The following SCAMP1 variants were observed in gnomAD, a reference collection of about 807,000 sequenced individuals.
SCAMP1 encodes the protein secretory carrier membrane protein 1.
In SCAMP1, 15 loss-of-function variants were observed where a neutral mutation model predicts 41.8. That is an observed-to-expected ratio of 0.36 (90% CI 0.24 to 0.55). SCAMP1 has a LOEUF of 0.55. SCAMP1 is among the 20% of genes least tolerant of loss of function. The pLI is 0.86. For missense variants in SCAMP1, 341 were observed against 412.6 expected (o/e 0.83, Z 1.50); for synonymous variants, 135 against 136.8 (o/e 0.99, Z 0.09).
rs542504295 is a variant in SCAMP1 at position 78,442,745 on chromosome 5, A to G, written c.633-7188A>G. ...GCTTTCTACATTGAGTATCAATTCA[A>G]ATGTGAGATTTTAGTTGTTATATTC... On this transcript the variant is annotated intron_variant, in intron 6 of 8. Transcript: ENST00000621999. Among the ~76,000 whole-genome samples, 3 of 152,316 alleles carry G rather than the reference A, an allele frequency of 2.0e-5. 1 individual carries two copies. In the East Asian group the frequency reaches 5.8e-4, roughly 29 times the overall value.
intron 6 of SCAMP1, among the ~76,000 whole-genome samples, chr5:78,424,297 G>A (rs16875383): frequency 3.5e-4 from 54 of 152,244 alleles, no homozygotes; most frequent in Middle Eastern, 6.8e-3. Flanking sequence ...TTTGTTCTCC[G>A]TAAGGTAAAC....
At position 78,476,551 on chromosome 5, in the gene SCAMP1, T is replaced by C. The variant is rs1172655564; in HGVS notation, c.*883T>C. The C allele has an allele frequency of 3.3e-5, 5 of 152,580 alleles. No homozygotes were observed. 9.5% of individuals were successfully genotyped at this position (152,580 alleles called of 1,614,324 possible). A position where few individuals can be genotyped will look rare whatever the true frequency, so the allele number is the denominator to read the frequency against. On this transcript the variant is annotated 3_prime_UTR_variant, in exon 9 of 9. Transcript: ENST00000621999. ...ATGAAAACTTTGGTATATTCTGTGG[T>C]TACAACTAAGATTGTGTCTGGCAGC...
intron 4 of SCAMP1, among the ~76,000 whole-genome samples, chr5:78,416,928 C>T (rs1752224795): frequency 6.6e-6 from 1 of 152,170 alleles, no homozygotes; most frequent in African/African-American, 2.4e-5. Context: ...AGGCCAGGAG[C>T]CTTTGATTCT....
At chr5:78,425,053 A>G (rs1752432545) in intron 6 of SCAMP1, among the ~76,000 whole-genome samples, 1 of 152,228 alleles carries the variant, frequency 6.6e-6, no homozygotes, top group South Asian at 2.1e-4. Context: ...TGCATTATAG[A>G]TGGTGAATAA....
At chr5:78,472,636 C>T (rs1398670556) in intron 8 of SCAMP1, among the ~76,000 whole-genome samples, 2 of 152,030 alleles carry the variant, frequency 1.3e-5, no homozygotes, top group Admixed American at 1.3e-4. Flanking sequence ...GCATTATGCA[C>T]TGTATATATA....
chr5:78,381,839 A>G (rs778547324), intron 1 of SCAMP1, among the ~76,000 whole-genome samples: 10 of 152,238 alleles, frequency 6.6e-5, no homozygotes, highest in Admixed American at 6.5e-5. Context: ...GGCTGGAAAA[A>G]TAGGCAGGCT....
intron 1 of SCAMP1, among the ~76,000 whole-genome samples, chr5:78,383,610 A>T (rs1293693916): frequency 6.6e-6 from 1 of 152,188 alleles, no homozygotes; most frequent in Non-Finnish European, 1.5e-5. Flanking sequence ...ATTTTTGTAT[A>T]AGGTGAGAGA....
At chr5:78,373,468 T>C (rs748427239) in intron 1 of SCAMP1, among the ~76,000 whole-genome samples, 1 of 152,034 alleles carries the variant, frequency 6.6e-6, no homozygotes, top group Admixed American at 6.6e-5. Context: ...AGTTGCTATG[T>C]AGGAAAGTTG....
chr5:78,387,209 G>T (rs1419769735), intron 1 of SCAMP1, among the ~76,000 whole-genome samples: 1 of 151,938 alleles, frequency 6.6e-6, no homozygotes, highest in East Asian at 1.9e-4. Context: ...TTGTGTTTGA[G>T]CTCTGAAGTT....
intron 2 of SCAMP1, among the ~76,000 whole-genome samples, chr5:78,390,219 T>C (rs565023547): frequency 1.3e-5 from 2 of 152,318 alleles, no homozygotes; most frequent in South Asian, 4.1e-4. Context: ...CCCCACACAT[T>C]TGGTATCAAT....
At chr5:78,381,003 T>A (rs1450573926) in intron 1 of SCAMP1, among the ~76,000 whole-genome samples, 1 of 151,584 alleles carries the variant, frequency 6.6e-6, no homozygotes, top group African/African-American at 2.4e-5. Context: ...GAGGTGGAGG[T>A]TGTGGTGAGC....
At chr5:78,408,939 C>T (rs547681255) in intron 2 of SCAMP1, among the ~76,000 whole-genome samples, 1 of 152,280 alleles carries the variant, frequency 6.6e-6, no homozygotes, top group East Asian at 1.9e-4. Flanking sequence ...GGGAAGATTT[C>T]CCTTTTTTCC....
chr5:78,391,987 GGAGACCGTGGAAA>G, intron 2 of SCAMP1, among the ~76,000 whole-genome samples: 1 of 151,592 alleles, frequency 6.6e-6, no homozygotes. Context: ...GGCATCAGAG[GGAGACCGTGGAAA>G]GAGAGGGAGA....
At chr5:78,385,698 T>A (rs551208082) in intron 1 of SCAMP1, among the ~76,000 whole-genome samples, 1 of 152,358 alleles carries the variant, frequency 6.6e-6, no homozygotes, top group Middle Eastern at 3.4e-3. Context: ...GATGTTAATG[T>A]TGACCCAGTC....
intron 7 of SCAMP1, among the ~76,000 whole-genome samples, chr5:78,454,103 A>G (rs1350058041): frequency 5.9e-5 from 9 of 152,218 alleles, no homozygotes; most frequent in Non-Finnish European, 1.0e-4. Flanking sequence ...GGGGTTTTCT[A>G]GATATACAAT....
chr5:78,367,559 C>G (rs993389448), intron 1 of SCAMP1, among the ~76,000 whole-genome samples: 3 of 152,170 alleles, frequency 2.0e-5, no homozygotes, highest in African/African-American at 7.2e-5. Flanking sequence ...AGAGCTGAAT[C>G]TACAAGGCTT....
chr5:78,374,811 A>G (rs1751025688), intron 1 of SCAMP1, among the ~76,000 whole-genome samples: 1 of 152,094 alleles, frequency 6.6e-6, no homozygotes, highest in Non-Finnish European at 1.5e-5. Flanking sequence ...AGTTTCTTTT[A>G]GATTTGAGTA....
intron 8 of SCAMP1, among the ~76,000 whole-genome samples, chr5:78,474,022 G>C (rs1753946893): frequency 6.6e-6 from 1 of 151,356 alleles, no homozygotes. Flanking sequence ...GTGTCCTTTT[G>C]TGATGGAAGG....
At chr5:78,386,731 G>A (rs1751351137) in intron 1 of SCAMP1, among the ~76,000 whole-genome samples, 1 of 152,022 alleles carries the variant, frequency 6.6e-6, no homozygotes, top group African/African-American at 2.4e-5. Context: ...TAGTTTTGCT[G>A]GATACAGAAT....
Sources: gnomAD v4.1 joint callset for allele counts (sites outside exome capture counted in the v4.1 genomes callset) on GRCh38, gnomAD v4.1.1 for gene constraint, MANE v1.5 for transcripts, NCBI Gene and HGNC (gene_info 2026-07-23, HGNC 2026-07-21) for gene names.